The following SPINK5 variants were observed in gnomAD, a reference collection of about 807,000 sequenced individuals.
SPINK5 encodes serine protease inhibitor Kazal-type 5.
A neutral mutation model predicts 151.8 loss-of-function variants in SPINK5; 125 were observed. That is an observed-to-expected ratio of 0.82 (90% CI 0.71 to 0.96). SPINK5 has a LOEUF of 0.96. Ranked by LOEUF, SPINK5 falls within the 40% of genes least tolerant of loss-of-function variation. The pLI, the probability that SPINK5 is intolerant of heterozygous loss-of-function variation, is 0.00. For missense variants in SPINK5, 1,194 were observed against 1,291.9 expected (o/e 0.92, Z 1.16); for synonymous variants, 374 against 395.3 (o/e 0.95, Z 0.64).
At chr5:148,070,887 G>A (rs190710636) in intron 3 of SPINK5, among the ~76,000 whole-genome samples, 3 of 152,062 alleles carry the variant, frequency 2.0e-5, no homozygotes, top group Non-Finnish European at 4.4e-5. Context: ...ACCAGCAGAA[G>A]GACTTAAGCA....
chr5:148,129,516 A>AAG (rs905130218), intron 30 of SPINK5, among the ~76,000 whole-genome samples: 7 of 30,924 alleles, frequency 2.3e-4, no homozygotes, highest in African/African-American at 4.3e-4. Flanking sequence ...TAAAAAAATG[A>AAG]AGAGAGAGAG....
rs1405377676 is a variant in SPINK5 at position 148,127,064 on chromosome 5, C to T, written c.2949C>T (p.Asp983=). Residue 983 remains aspartate, a synonymous_variant, in exon 30 of 33, where the codon GAC becomes GAT. Coordinates refer to ENST00000256084, the MANE Select transcript of SPINK5 (RefSeq NM_006846.4). ...CTTCTCAAGAGGAAGACAGCCCAGA[C>T]TCTTTCAGTTCTCTGGTAAGGAGGA... The part of the protein sequence containing the change: ...VRASQEEDSP[D]SFSSLDSEMC... 1 of 1,613,214 alleles carries T rather than the reference C, an allele frequency of 6.2e-7. No individual in the cohort carries two copies. Among genetic ancestry groups the T allele is most frequent in the Non-Finnish European group, 8.5e-7 (1 of 1,179,466 alleles).
intron 19 of SPINK5, among the ~76,000 whole-genome samples, chr5:148,112,329 G>A (rs894723830): frequency 4.9e-4 from 75 of 152,084 alleles, no homozygotes; most frequent in African/African-American, 1.7e-3. Flanking sequence ...AGTCATAAAA[G>A]TTTCTTCACT....
chr5:148,111,659 C>T, intron 18 of SPINK5, 109 bp from the exon 19 acceptor site: 2 of 1,543,402 alleles, frequency 1.3e-6, no homozygotes, highest in Non-Finnish European at 1.8e-6. Flanking sequence ...TTCAGCATCA[C>T]CTTTTCCATG....
At chr5:148,118,310 C>T (rs960394080) in intron 22 of SPINK5, 127 bp from the exon 23 acceptor site, 4 of 1,435,476 alleles carry the variant, frequency 2.8e-6, no homozygotes, top group South Asian at 1.2e-5. Flanking sequence ...AGCCACCGTA[C>T]CCGGCAATGT....
intron 8 of SPINK5, among the ~76,000 whole-genome samples, chr5:148,094,100 G>A (rs1336458871): frequency 1.3e-5 from 2 of 151,956 alleles, no homozygotes; most frequent in South Asian, 4.2e-4. Flanking sequence ...TTCAAGACCA[G>A]CCCGGGCAAC....
intron 8 of SPINK5, among the ~76,000 whole-genome samples, chr5:148,091,966 C>T (rs1034969022): frequency 6.6e-6 from 1 of 151,784 alleles, no homozygotes; most frequent in African/African-American, 2.4e-5. Context: ...AAATGGCTAA[C>T]CTTTTGTTGA....
chr5:148,109,031 G>C (rs80125880), intron 18 of SPINK5, among the ~76,000 whole-genome samples, 194 bp downstream of exon 18: 1 of 151,484 alleles, frequency 6.6e-6, no homozygotes, highest in Non-Finnish European at 1.5e-5. Flanking sequence ...TTAATTGCTC[G>C]TGCAGGAGAG....
intron 30 of SPINK5, among the ~76,000 whole-genome samples, chr5:148,130,645 C>T (rs1346244084): frequency 6.6e-6 from 1 of 152,086 alleles, no homozygotes; most frequent in Non-Finnish European, 1.5e-5. Flanking sequence ...GGAAAACATA[C>T]TAACAACTAA....
chr5:148,105,855 C>A (rs564203831), intron 16 of SPINK5, among the ~76,000 whole-genome samples: 1 of 150,598 alleles, frequency 6.6e-6, no homozygotes, highest in South Asian at 2.1e-4. Context: ...AACTCCTGAC[C>A]TCAAGTGATT....
At chr5:148,086,560 C>T (rs1169098386) in intron 5 of SPINK5, 28 bp downstream of exon 5, 2 of 1,608,030 alleles carry the variant, frequency 1.2e-6, no homozygotes, top group African/African-American at 1.3e-5. Flanking sequence ...TAGGCTTTCT[C>T]CCTAAAACGT....
At chr5:148,124,042 A>C (rs1581106803) in intron 27 of SPINK5, 82 bp downstream of exon 27, 1 of 1,493,066 alleles carries the variant, frequency 6.7e-7, no homozygotes, top group East Asian at 2.3e-5. Flanking sequence ...AAAACCTAAG[A>C]TACTTGGCAT....
chr5:148,124,930 ATATCT>A (rs1176152240), intron 28 of SPINK5, 93 bp downstream of exon 28: 15 of 1,333,484 alleles, frequency 1.1e-5, no homozygotes, highest in Non-Finnish European at 1.5e-5. Context: ...AAATATATTA[ATATCT>A]TAACTTCAAA....
chr5:148,086,288 A>G, intron 4 of SPINK5, 117 bp from the exon 5 acceptor site: 1 of 1,264,302 alleles, frequency 7.9e-7, no homozygotes, highest in Non-Finnish European at 1.1e-6. Flanking sequence ...CCTTCATGAT[A>G]TGTTTTTCTT....
chr5:148,107,256 G>A (rs1185261148), intron 17 of SPINK5, 92 bp downstream of exon 17: 3 of 391,304 alleles, frequency 7.7e-6, no homozygotes, highest in East Asian at 1.5e-4. Context: ...AGTATAGACC[G>A]TGAGTTATAT....
At chr5:148,115,176 C>T (rs578238607) in intron 21 of SPINK5, among the ~76,000 whole-genome samples, 2 of 151,936 alleles carry the variant, frequency 1.3e-5, no homozygotes, top group Non-Finnish European at 2.9e-5. Context: ...TAAAACTAGA[C>T]CTTATAATTT....
At chr5:148,125,600 C>A in intron 28 of SPINK5, 123 bp from the exon 29 acceptor site, 2 of 1,614,142 alleles carry the variant, frequency 1.2e-6, no homozygotes, top group Non-Finnish European at 1.7e-6. Context: ...GCCTCTGTTG[C>A]CAGGATGAGT....
chr5:148,123,333 C>T (rs113200588), intron 26 of SPINK5, among the ~76,000 whole-genome samples: 2,065 of 142,796 alleles, frequency 0.014, 52 homozygotes, highest in African/African-American at 0.054. Context: ...GGCTGGACAA[C>T]AGAACAAGAT....
intron 6 of SPINK5, 123 bp from the exon 7 acceptor site, chr5:148,089,371 G>A: frequency 7.9e-7 from 1 of 1,265,052 alleles, no homozygotes; most frequent in Non-Finnish European, 1.1e-6. Context: ...CATCTACACA[G>A]CTGGTACTGC....
Sources: allele counts gnomAD v4.1 joint callset (sites outside exome capture counted in the v4.1 genomes callset), GRCh38; gene constraint gnomAD v4.1.1; transcripts MANE v1.5; gene names NCBI Gene and HGNC (gene_info 2026-07-23, HGNC 2026-07-21).